TWIST2: variants seen among roughly 807,000 people sequenced by gnomAD.
TWIST2 encodes twist-related protein 2.
TWIST2 carries 1 observed loss-of-function variant against 11.6 expected under a neutral mutation model. The ratio of observed to expected loss-of-function variants is 0.09; its 90% CI spans 0.03 to 0.41. The LOEUF (loss-of-function observed/expected upper bound fraction) is 0.41, where lower values mean the gene tolerates loss of function less well. Ranked by LOEUF, TWIST2 falls within the 10% of genes least tolerant of loss-of-function variation. The pLI, the probability that TWIST2 is intolerant of heterozygous loss-of-function variation, is 0.98. For synonymous variants in TWIST2, 87 were observed against 96.6 expected, an observed-to-expected ratio of 0.90 and a Z score of 0.58; for missense variants, 168 against 226.4, an observed-to-expected ratio of 0.74 and a Z score of 1.66.
intron 1 of TWIST2, among the ~76,000 whole-genome samples, chr2:238,850,817 T>A (rs1169162785): frequency 6.6e-6 from 1 of 152,204 alleles, no homozygotes; most frequent in Non-Finnish European, 1.5e-5. Flanking sequence ...CATACTGGAC[T>A]ATAACTGAGT....
In TWIST2 at chr2:238,868,837, G is replaced by A. The variant is rs562481617; in HGVS notation, c.*35+20104G>A. Among the ~76,000 whole-genome samples, 27 of 152,340 alleles carry A rather than the reference G, an allele frequency of 1.8e-4. No homozygotes were observed. The East Asian group carries it at 3.3e-3, about 19-fold the overall frequency. On this transcript the variant is annotated intron_variant, in intron 1 of 1. Coordinates refer to ENST00000612363, the MANE Select transcript of TWIST2 (RefSeq NM_001271893.4). ...TCAGCAAGGCTGGAGGGAGCGCTGCGTGCCGGCCGGTGCAGGGGCTTGTGT... is the reference window on the plus strand; with the variant it reads ...TCAGCAAGGCTGGAGGGAGCGCTGCATGCCGGCCGGTGCAGGGGCTTGTGT...
At position 238,861,641 on chromosome 2, in the gene TWIST2, G is replaced by A. The variant is rs189451950; in HGVS notation, c.*35+12908G>A. 2.9e-4 allele frequency among the ~76,000 whole-genome samples: 44 copies of A among 152,230 alleles called. 1 individual carries two copies. In the East Asian group the frequency reaches 6.6e-3, roughly 23 times the overall value. On this transcript the variant is annotated intron_variant, in intron 1 of 1. Coordinates refer to ENST00000612363, the MANE Select transcript of TWIST2 (RefSeq NM_001271893.4). ...GTGTCAGAGAATGCACTGAGTCAGC[G>A]TCCCTTTTAGCACACCTGCCACCAC...
At chr2:238,884,387 C>T (rs995721047) in intron 1 of TWIST2, among the ~76,000 whole-genome samples, 12 of 152,230 alleles carry the variant, frequency 7.9e-5, no homozygotes, top group African/African-American at 2.4e-4. Context: ...GCCGGAGGGC[C>T]GCTTCCCATG....
chr2:238,849,442 G>A (rs993567029), intron 1 of TWIST2, among the ~76,000 whole-genome samples: 1 of 152,212 alleles, frequency 6.6e-6, no homozygotes, highest in Non-Finnish European at 1.5e-5. Context: ...AGCCTGGAGC[G>A]CTGAGGCAGG....
At position 238,873,701 on chromosome 2, in the gene TWIST2, G is replaced by A. The variant is rs562774823; in HGVS notation, c.*35+24968G>A. Among the ~76,000 whole-genome samples, 5 of 152,304 alleles carry A rather than the reference G, an allele frequency of 3.3e-5. No individual in the cohort carries two copies. In the South Asian group the frequency reaches 1.0e-3, roughly 32 times the overall value. On this transcript the variant is annotated intron_variant, in intron 1 of 1. Transcript: ENST00000612363. ...CCAGGGGAGGACAGAAGCAAAGTTG[G>A]GCTGAGAGTCAGAAGCAAATCTGGG...
rs892587608 is a variant in TWIST2, at chr2:238,866,177, C to T, written c.*35+17444C>T. ...ATGGCCAGGCCTGCCAGGCACCGCC[C>T]AGGTTCCCCATGGCACGGGCCCTGC... On this transcript the variant is annotated intron_variant, in intron 1 of 1. Transcript: ENST00000612363. This position sits in a 1 kb window ranked among gnomAD's most constrained non-coding sequence, Gnocchi z 4.9. Among the ~76,000 whole-genome samples, 17 of 152,356 alleles carry T rather than the reference C, an allele frequency of 1.1e-4. No homozygotes were observed. The highest frequency in any genetic ancestry group is 1.0e-3 in the South Asian group (5 of 4,834).
chr2:238,890,700 T>A (rs1693115997), intron 1 of TWIST2, among the ~76,000 whole-genome samples: 1 of 152,190 alleles, frequency 6.6e-6, no homozygotes, highest in African/African-American at 2.4e-5. Flanking sequence ...AATGCCGAAT[T>A]TTTAAAAATT....
At position 238,848,240 on chromosome 2, in the gene TWIST2, G is replaced by T. The variant is rs1296387974; in HGVS notation, c.25G>T (p.Val9Leu). ...CATGGAGGAGGGCTCCAGCTCGCCC[G>T]TGTCCCCCGTGGACAGCCTGGGCAC... Reference protein sequence around the residue: MEEGSSSPVSPVDSLGTSE... With the variant: MEEGSSSPLSPVDSLGTSE... Residue 9 changes from valine to leucine, a missense_variant, in exon 1 of 2, where the codon GTG becomes TTG. Physicochemically the swap from Val to Leu is conservative, Grantham distance 32. Transcript: ENST00000612363. The T allele has an allele frequency of 2.0e-6, 3 of 1,487,648 alleles. No individual in the cohort carries two copies. Among genetic ancestry groups the T allele is most frequent in the African/African-American group, 1.4e-5 (1 of 70,678 alleles). 92.2% of individuals were successfully genotyped at this position (1,487,648 alleles called of 1,614,324 possible). A position where few individuals can be genotyped will look rare whatever the true frequency, so the allele number is the denominator to read the frequency against.
chr2:238,905,048 G>C (rs1029036581), intron 1 of TWIST2, among the ~76,000 whole-genome samples: 2 of 141,256 alleles, frequency 1.4e-5, no homozygotes, highest in Non-Finnish European at 1.6e-5. Context: ...GGGTGGCTAG[G>C]TGGGTGGCTG....
intron 1 of TWIST2, among the ~76,000 whole-genome samples, chr2:238,862,915 C>T (rs770326418): frequency 6.6e-6 from 1 of 152,104 alleles, no homozygotes; most frequent in African/African-American, 2.4e-5. Flanking sequence ...GCAGTTCATA[C>T]GATCTCAGGT....
chr2:238,863,479 G>A lies in TWIST2; in HGVS notation c.*35+14746G>A, dbSNP rs1692469665. Among the ~76,000 whole-genome samples the A allele has an allele frequency of 1.3e-5, 2 of 152,300 alleles. No homozygotes were observed. Among genetic ancestry groups the A allele is most frequent in the East Asian group, 1.9e-4 (1 of 5,182 alleles). ...CGTCCTTTGGCAGTGAGGGCTGTGC[G>A]GTTTCAGCTCTCCTGGCTGGCCTTT... is the stretch of plus-strand genomic sequence containing the variant. On this transcript the variant is annotated intron_variant, in intron 1 of 1. Coordinates refer to ENST00000612363, the MANE Select transcript of TWIST2 (RefSeq NM_001271893.4). The surrounding 1 kb of genome is among the most constrained non-coding windows in gnomAD (Gnocchi z 4.7).
chr2:238,855,597 A>G (rs1692316080), intron 1 of TWIST2, among the ~76,000 whole-genome samples: 1 of 152,138 alleles, frequency 6.6e-6, no homozygotes, highest in Non-Finnish European at 1.5e-5. Flanking sequence ...AGTGTTTCCT[A>G]CCGCTTCCCC....
chr2:238,856,412 T>C (rs1035545053), intron 1 of TWIST2, among the ~76,000 whole-genome samples: 4 of 152,244 alleles, frequency 2.6e-5, no homozygotes, highest in African/African-American at 9.6e-5. Context: ...TTTCTTGTTT[T>C]ACTACAGTTC....
chr2:238,869,937 CTGT>C (rs1559273242), intron 1 of TWIST2, among the ~76,000 whole-genome samples: 7 of 151,974 alleles, frequency 4.6e-5, no homozygotes, highest in Admixed American at 2.6e-4. Flanking sequence ...CAGAGTGAGA[CTGT>C]GTCTCAAAAC....
At chr2:238,907,725 AACAC>A (rs1166759115) in intron 1 of TWIST2, among the ~76,000 whole-genome samples, 10 of 148,940 alleles carry the variant, frequency 6.7e-5, no homozygotes, top group Admixed American at 2.0e-4. Flanking sequence ...TACACACACA[AACAC>A]ACACATAAAC....
chr2:238,855,616 C>T (rs1483509433), intron 1 of TWIST2, among the ~76,000 whole-genome samples: 1 of 152,172 alleles, frequency 6.6e-6, no homozygotes, highest in East Asian at 1.9e-4. Flanking sequence ...CCCAAACCTG[C>T]ATATACTCTT....
chr2:238,888,187 G>A (rs546564887), intron 1 of TWIST2, among the ~76,000 whole-genome samples: 88 of 152,216 alleles, frequency 5.8e-4, no homozygotes, highest in Non-Finnish European at 9.3e-4. Context: ...TTAGGATGTT[G>A]AGAGATGTAA....
intron 1 of TWIST2, among the ~76,000 whole-genome samples, chr2:238,861,741 G>A (rs144590900): frequency 0.39 from 58,918 of 152,086 alleles, 13,735 homozygotes; most frequent in Non-Finnish European, 0.53. Context: ...TTCGCTTTTC[G>A]AAGTTTCAAT....
At chr2:238,906,584 C>T (rs1464155751) in intron 1 of TWIST2, among the ~76,000 whole-genome samples, 1 of 151,968 alleles carries the variant, frequency 6.6e-6, no homozygotes, top group African/African-American at 2.4e-5. Context: ...ACACAACTTG[C>T]ACATGGACAC....
Sources: allele counts gnomAD v4.1 joint callset (sites outside exome capture counted in the v4.1 genomes callset), GRCh38; gene constraint gnomAD v4.1.1; non-coding constraint Gnocchi (gnomAD v3.1); transcripts MANE v1.5; gene names NCBI Gene and HGNC (gene_info 2026-07-23, HGNC 2026-07-21).